Variants in NHSL1 observed in about 807,000 individuals in gnomAD.
NHSL1 encodes NHS-like protein 1.
NHSL1 carries 48 observed loss-of-function variants against 95.0 expected under a neutral mutation model. That is an observed-to-expected ratio of 0.51 (90% CI 0.40 to 0.64). The LOEUF (loss-of-function observed/expected upper bound fraction) is 0.64. NHSL1 is among the 30% of genes least tolerant of loss of function. The pLI is 0.00. For synonymous variants in NHSL1, 783 were observed against 833.9 expected (o/e 0.94, Z 1.05); for missense variants, 1,971 against 2,077.7 (o/e 0.95, Z 1.00).
chr6:138,574,961 G>A (rs572420947), upstream of NHSL1, among the ~76,000 whole-genome samples: 116 of 152,212 alleles, frequency 7.6e-4, no homozygotes, highest in African/African-American at 2.6e-3. Flanking sequence ...GTGCAATGGC[G>A]CAATCTCAGC....
chr6:138,640,206 G>A (rs1013503359), intron 1 of NHSL1, among the ~76,000 whole-genome samples: 1 of 151,984 alleles, frequency 6.6e-6, no homozygotes, highest in Non-Finnish European at 1.5e-5. Flanking sequence ...TATACAGTTA[G>A]GGAAATCCCA....
intron 3 of NHSL1, among the ~76,000 whole-genome samples, chr6:138,468,850 G>GT: frequency 6.6e-6 from 1 of 152,312 alleles, no homozygotes; most frequent in East Asian, 1.9e-4. Context: ...ATGCATGACT[G>GT]TATTTGCTCT....
Position 138,433,208 on chromosome 6 carries a change from A to G in NHSL1, c.1137T>C (p.Leu379=). 6.4e-7 allele frequency: 1 copy of G among 1,551,154 alleles called. No individual in the cohort carries two copies. The highest frequency in any genetic ancestry group is 8.7e-7 in the Non-Finnish European group (1 of 1,146,704). ...HLGGASGTGT[L]LRPKSQELRH... is the part of the protein sequence containing the mutation. ...TCAACTCCTGGGATTTGGGTCTCAA[A>G]AGTGTTCCAGTCCCTGAGGCACCTC... The change falls in exon 6 of 8, where the codon CTT becomes CTC. Residue 379 remains leucine, a synonymous_variant. Transcript: ENST00000343505.
chr6:138,612,109 C>CAAAA (rs368848438), intron 1 of NHSL1, among the ~76,000 whole-genome samples: 6 of 73,328 alleles, frequency 8.2e-5, no homozygotes, highest in African/African-American at 2.0e-4. Context: ...GACTCCATCT[C>CAAAA]AAAAAAAAAA....
chr6:138,523,627 G>GAA (rs67335375), intron 1 of NHSL1, among the ~76,000 whole-genome samples: 738 of 64,780 alleles, frequency 0.011, 27 homozygotes, highest in African/African-American at 0.022. Flanking sequence ...TTTTAAAGAG[G>GAA]AAAAAAAAAA....
Position 138,632,009 on chromosome 6 carries a change from T to C in NHSL1, c.96+60467A>G, listed in dbSNP as rs1156802683. Reference sequence around the variant, plus strand: ...ACCCACTGCCCTGAATGGCAAGTCCTAGGCCAGGCAGCATTCATCACTAGC... The same window carrying C: ...ACCCACTGCCCTGAATGGCAAGTCCCAGGCCAGGCAGCATTCATCACTAGC... On this transcript the variant is annotated intron_variant, in intron 1 of 3. Coordinates refer to the NHSL1 transcript ENST00000491526. Among the ~76,000 whole-genome samples, 2 of 152,122 alleles carry C rather than the reference T, an allele frequency of 1.3e-5. 1 individual carries two copies. The highest frequency in any genetic ancestry group is 3.9e-4 in the East Asian group (2 of 5,178).
chr6:138,516,986 G>C (rs559036324), intron 1 of NHSL1, among the ~76,000 whole-genome samples: 1 of 152,260 alleles, frequency 6.6e-6, no homozygotes, highest in Admixed American at 6.5e-5. Context: ...AAAAACGTTA[G>C]AGACATAGAA....
chr6:138,502,100 C>G (rs528082679), upstream of NHSL1, among the ~76,000 whole-genome samples: 27 of 152,194 alleles, frequency 1.8e-4, no homozygotes, highest in East Asian at 5.0e-3. Context: ...AGGCTTCCAT[C>G]CCGGCATCCT....
chr6:138,511,829 G>GGTAATTACAGGCACACGCCTGCCTGTAAT, intron 1 of NHSL1, among the ~76,000 whole-genome samples: 1 of 152,040 alleles, frequency 6.6e-6, no homozygotes, highest in African/African-American at 2.4e-5. Flanking sequence ...AATCCTAGCT[G>GGTAATTACAGGCACACGCCTGCCTGTAAT]CCTAGGAAGC....
At chr6:138,444,340 T>G (rs1256248267) in intron 4 of NHSL1, among the ~76,000 whole-genome samples, 2 of 152,142 alleles carry the variant, frequency 1.3e-5, no homozygotes, top group Non-Finnish European at 2.9e-5. Flanking sequence ...TAAAAATTAT[T>G]TAAGTATGTT....
chr6:138,460,027 C>T (rs1424574850), intron 3 of NHSL1, among the ~76,000 whole-genome samples: 1 of 152,132 alleles, frequency 6.6e-6, no homozygotes, highest in Non-Finnish European at 1.5e-5. Flanking sequence ...CTGCTTTGTA[C>T]AGTCTTTGCC....
chr6:138,476,703 C>T (rs1390684244), intron 2 of NHSL1, among the ~76,000 whole-genome samples: 1 of 152,028 alleles, frequency 6.6e-6, no homozygotes, highest in Non-Finnish European at 1.5e-5. Flanking sequence ...TGGTGGGTAC[C>T]TGTAACCCCA....
chr6:138,671,417 T>C (rs1197878068), intron 1 of NHSL1, among the ~76,000 whole-genome samples: 2 of 147,114 alleles, frequency 1.4e-5, no homozygotes, highest in Non-Finnish European at 1.5e-5. Context: ...GCCACTGCAC[T>C]CCAGGCTGGG....
At chr6:138,470,120 G>C (rs982104932) in intron 3 of NHSL1, among the ~76,000 whole-genome samples, 2 of 152,058 alleles carry the variant, frequency 1.3e-5, no homozygotes, top group African/African-American at 2.4e-5. Context: ...TCTTAACAGA[G>C]ATTGCCTTGA....
At chr6:138,638,903 G>T (rs1037193717) in intron 1 of NHSL1, among the ~76,000 whole-genome samples, 2 of 152,200 alleles carry the variant, frequency 1.3e-5, no homozygotes, top group African/African-American at 4.8e-5. Flanking sequence ...AAGAGTTCTG[G>T]GCTCCCAGAA....
upstream of NHSL1, among the ~76,000 whole-genome samples, chr6:138,577,539 AG>A (rs1783990132): frequency 6.6e-6 from 1 of 152,220 alleles, no homozygotes; most frequent in Non-Finnish European, 1.5e-5. Flanking sequence ...AAAGAGACAA[AG>A]GTGCAAAGAG....
Position 138,424,195 on chromosome 6 carries a change from C to G in NHSL1, c.4707G>C (p.Glu1569Asp). ...EMDEGGLLCG[E>D]GPAASLQPQA... ...GGGGCTGCAGGGAGGCGGCAGGCCC[C>G]TCCCCACAGAGCAGGCCGCCCTCGT... The change falls in exon 8 of 8, where the codon GAG becomes GAC. Residue 1569 changes from glutamate to aspartate, a missense_variant. Physicochemically the swap from Glu to Asp is conservative, Grantham distance 45. Coordinates refer to ENST00000343505, the MANE Select transcript of NHSL1 (RefSeq NM_001144060.2). The surrounding 1 kb of genome is among the most constrained non-coding windows in gnomAD (Gnocchi z 5.9). The G allele has an allele frequency of 6.1e-6, 9 of 1,485,678 alleles. No homozygotes were observed. The highest frequency in any genetic ancestry group is 8.0e-6 in the Non-Finnish European group (9 of 1,120,790). The allele number at this position is 1,485,678 out of a possible 1,614,324, so 92.0% of individuals were successfully genotyped here.
intron 1 of NHSL1, among the ~76,000 whole-genome samples, chr6:138,608,956 T>C (rs1401226264): frequency 4.6e-5 from 7 of 152,194 alleles, no homozygotes; most frequent in Admixed American, 4.6e-4. Flanking sequence ...ATGCTAGGCA[T>C]GTAAAGAGAA....
intron 1 of NHSL1, among the ~76,000 whole-genome samples, chr6:138,659,921 G>T (rs1015839033): frequency 2.0e-5 from 3 of 152,034 alleles, no homozygotes; most frequent in Non-Finnish European, 4.4e-5. Flanking sequence ...TCACCCTGTT[G>T]GCCAGGCTGG....
Sources: allele counts gnomAD v4.1 joint callset (sites outside exome capture counted in the v4.1 genomes callset), GRCh38; gene constraint gnomAD v4.1.1; non-coding constraint Gnocchi (gnomAD v3.1); transcripts MANE v1.5; gene names NCBI Gene and HGNC (gene_info 2026-07-23, HGNC 2026-07-21).